The following LEPR variants were observed in gnomAD, a reference collection of about 807,000 sequenced individuals.
LEPR encodes the protein OB receptor.
A neutral mutation model predicts 114.7 loss-of-function variants in LEPR; 56 were observed. The ratio of observed to expected loss-of-function variants is 0.49; its 90% CI spans 0.39 to 0.61. The LOEUF (loss-of-function observed/expected upper bound fraction) is 0.61. LEPR is among the 20% of genes least tolerant of loss of function. The pLI is 0.00. For synonymous variants in LEPR, 443 were observed against 461.4 expected (o/e 0.96, Z 0.51); for missense variants, 1,202 against 1,352.9 (o/e 0.89, Z 1.75).
At chr1:65,435,066 A>T in intron 2 of LEPR, 2 of 985,464 alleles carry the variant, frequency 2.0e-6, no homozygotes, top group Non-Finnish European at 2.4e-6. Flanking sequence ...GGAGAACGGA[A>T]TGAAGAAAGA....
chr1:65,617,476 G>A (rs1657600862), intron 15 of LEPR, among the ~76,000 whole-genome samples: 2 of 152,226 alleles, frequency 1.3e-5, no homozygotes, highest in South Asian at 2.1e-4. Context: ...AGACCAGGGT[G>A]GCTTTGGTGT....
At chr1:65,621,578 G>GTA (rs1286155835) in intron 18 of LEPR, 120 bp downstream of exon 18, 13 of 808,964 alleles carry the variant, frequency 1.6e-5, no homozygotes, top group Non-Finnish European at 2.4e-5. Context: ...TATGTAGTCT[G>GTA]TATACAATTA....
chr1:65,525,759 G>A (rs1649905630), intron 2 of LEPR: 2 of 986,142 alleles, frequency 2.0e-6, no homozygotes, highest in African/African-American at 1.7e-5. Flanking sequence ...CGACGCAGGT[G>A]CCCGAGCCCC....
intron 2 of LEPR, among the ~76,000 whole-genome samples, chr1:65,488,198 T>TTCTTTC (rs1553157690): frequency 0.037 from 900 of 24,420 alleles, 25 homozygotes; most frequent in Non-Finnish European, 0.054. Flanking sequence ...CTTTCTTTCT[T>TTCTTTC]TCTTTCTTTC....
chr1:65,431,997 C>T, intron 2 of LEPR: 2 of 1,488,356 alleles, frequency 1.3e-6, no homozygotes, highest in Non-Finnish European at 1.8e-6. Context: ...CGGCATTTTA[C>T]TATGAAATTT....
At chr1:65,460,245 A>G (rs1476532295) in intron 2 of LEPR, among the ~76,000 whole-genome samples, 1 of 152,152 alleles carries the variant, frequency 6.6e-6, no homozygotes, top group East Asian at 1.9e-4. Context: ...AAGCTCAGAG[A>G]GAGAAAGTAA....
intron 2 of LEPR, among the ~76,000 whole-genome samples, chr1:65,501,080 T>G (rs1648426923): frequency 1.3e-5 from 2 of 152,138 alleles, no homozygotes; most frequent in Admixed American, 1.3e-4. Flanking sequence ...CCATCCATTT[T>G]CCTCCTCTGA....
chr1:65,554,709 G>T (rs1652684986), intron 2 of LEPR, among the ~76,000 whole-genome samples: 1 of 152,066 alleles, frequency 6.6e-6, no homozygotes, highest in South Asian at 2.1e-4. Flanking sequence ...TTCCGGGGAA[G>T]TGAACGGTTC....
chr1:65,604,585 G>A lies in LEPR; in HGVS notation c.1404-453G>A, dbSNP rs1218538900. Among the ~76,000 whole-genome samples, 3 of 152,304 alleles carry A rather than the reference G, an allele frequency of 2.0e-5. No individual in the cohort carries two copies. In the East Asian group the frequency reaches 5.8e-4, roughly 29 times the overall value. On this transcript the variant is annotated intron_variant, in intron 10 of 19. Transcript: ENST00000349533. ...GCCCGCCTCAGCCTCCCAAAGTGCT[G>A]GGATTACAGGCATGAGCCACCGCAC...
intron 2 of LEPR, among the ~76,000 whole-genome samples, chr1:65,431,603 T>A (rs1464760769): frequency 1.3e-5 from 2 of 152,230 alleles, no homozygotes; most frequent in Non-Finnish European, 2.9e-5. Context: ...TTAAGGATGA[T>A]ACCAGACTTA....
rs572065972 is a variant in LEPR at position 65,633,222 on chromosome 1, C to T, written c.2674-2969C>T. The stretch of plus-strand genomic sequence containing the variant: ...CCCAATGTGCCAACTTCCCAACAGT[C>T]TATAGAGTATTAGAAGATTTTTACA... On this transcript the variant is annotated intron_variant, in intron 19 of 19. Transcript: ENST00000349533. The surrounding 1 kb of genome is among the most constrained non-coding windows in gnomAD (Gnocchi z 4.1). 210 of 1,603,600 alleles carry T rather than the reference C, an allele frequency of 1.3e-4. No individual in the cohort carries two copies. Among genetic ancestry groups the T allele is most frequent in the Middle Eastern group, 6.6e-4 (4 of 6,024 alleles).
At chr1:65,551,623 G>A (rs1048347015) in intron 2 of LEPR, among the ~76,000 whole-genome samples, 4 of 151,990 alleles carry the variant, frequency 2.6e-5, no homozygotes, top group Non-Finnish European at 5.9e-5. Flanking sequence ...AGTCTGGCTA[G>A]TGGTCTATTT....
intron 11 of LEPR, 71 bp from the exon 12 acceptor site, chr1:65,608,682 A>G (rs2100963924): frequency 6.7e-7 from 1 of 1,501,362 alleles, no homozygotes. Flanking sequence ...GTATGAAAAT[A>G]TAACACAATG....
In LEPR at chr1:65,622,994, A is replaced by AT. The variant is rs748592524; in HGVS notation, c.2673+21dup. On this transcript the variant is annotated intron_variant, in intron 19 of 19. Coordinates refer to ENST00000349533, the MANE Select transcript of LEPR (RefSeq NM_002303.6). ...TAATTTTCAGAAGGTTGCTTTTTCA[A>AT]TTTTTTTTAACCCAGAATATATACG... 23 of 1,606,822 alleles carry AT rather than the reference A, an allele frequency of 1.4e-5. No individual in the cohort carries two copies. Among genetic ancestry groups the AT allele is most frequent in the Admixed American group, 3.3e-5 (2 of 59,750 alleles).
chr1:65,589,508 A>T, intron 5 of LEPR, among the ~76,000 whole-genome samples: 1 of 152,060 alleles, frequency 6.6e-6, no homozygotes, highest in East Asian at 1.9e-4. Flanking sequence ...AGGTCACAAA[A>T]TTTTTTACTT....
At chr1:65,521,418 A>G (rs1649631002) in intron 2 of LEPR, among the ~76,000 whole-genome samples, 1 of 152,170 alleles carries the variant, frequency 6.6e-6, no homozygotes, top group African/African-American at 2.4e-5. Context: ...TGTACAGTCA[A>G]CTGATTATGG....
intron 2 of LEPR, chr1:65,434,189 GC>G (rs1421687839): frequency 4.1e-6 from 4 of 983,582 alleles, no homozygotes. Flanking sequence ...TGAAAAGAGA[GC>G]TATTCTGCAG....
intron 2 of LEPR, among the ~76,000 whole-genome samples, chr1:65,437,138 G>A (rs1355243442): frequency 6.6e-6 from 1 of 152,206 alleles, no homozygotes; most frequent in African/African-American, 2.4e-5. Context: ...AGTTACGTGA[G>A]TTCTGAACAC....
rs959507755 is a variant in LEPR, at chr1:65,637,729, T to G, written c.*714T>G. Reference sequence around the variant, plus strand: ...TTAGATTGCCAAATGTCACTGTATATCTCTCCGGAATAATTGTCTTCCCCC... The same window carrying G: ...TTAGATTGCCAAATGTCACTGTATAGCTCTCCGGAATAATTGTCTTCCCCC... On this transcript the variant is annotated 3_prime_UTR_variant, in exon 20 of 20. Coordinates refer to ENST00000349533, the MANE Select transcript of LEPR (RefSeq NM_002303.6). The G allele has an allele frequency of 6.6e-6, 1 of 152,412 alleles. No homozygotes were observed. Among genetic ancestry groups the G allele is most frequent in the African/African-American group, 2.4e-5 (1 of 41,580 alleles). 9.4% of individuals were successfully genotyped at this position (152,412 alleles called of 1,614,324 possible). A position where few individuals can be genotyped will look rare whatever the true frequency, so the allele number is the denominator to read the frequency against.
Sources: gnomAD v4.1 joint callset for allele counts (sites outside exome capture counted in the v4.1 genomes callset) on GRCh38, gnomAD v4.1.1 for gene constraint, Gnocchi (gnomAD v3.1) non-coding constraint, MANE v1.5 for transcripts, NCBI Gene and HGNC (gene_info 2026-07-23, HGNC 2026-07-21) for gene names.